Variants in NXPE3 observed in about 807,000 individuals in gnomAD.
The protein encoded by NXPE3 is NXPE family member 3.
In NXPE3, 26 loss-of-function variants were observed where a neutral mutation model predicts 46.1. The ratio of observed to expected loss-of-function variants is 0.56; its 90% CI spans 0.41 to 0.78. The LOEUF (loss-of-function observed/expected upper bound fraction) is 0.78. Ranked by LOEUF, NXPE3 falls within the 30% of genes least tolerant of loss-of-function variation. The pLI is 0.00. For missense variants in NXPE3, 620 were observed against 686.0 expected (o/e 0.90, Z 1.07); for synonymous variants, 272 against 257.9 (o/e 1.05, Z -0.52).
At chr3:101,801,157 G>A (rs1941118606) in intron 4 of NXPE3, 78 bp from the exon 5 acceptor site, 2 of 1,428,464 alleles carry the variant, frequency 1.4e-6, no homozygotes, top group African/African-American at 2.9e-5. Context: ...CAGAAGTGTG[G>A]GGAGCCCTCT....
chr3:101,823,404 A>G lies in NXPE3; in HGVS notation c.*1450A>G, dbSNP rs867690203. ...GCCTAATGAGGTAATAAAATATATT[A>G]AAATAGTTTAATTTTAATGGTCCTT... On this transcript the variant is annotated 3_prime_UTR_variant, in exon 8 of 8. Transcript: ENST00000273347. 1 of 152,190 alleles carries G rather than the reference A, an allele frequency of 6.6e-6. No individual in the cohort carries two copies. Among genetic ancestry groups the G allele is most frequent in the African/African-American group, 2.4e-5 (1 of 41,428 alleles). The allele number at this position is 152,190 out of a possible 1,614,324, so 9.4% of individuals were successfully genotyped here. A position where few individuals can be genotyped will look rare whatever the true frequency, so the allele number is the denominator to read the frequency against.
intron 4 of NXPE3, among the ~76,000 whole-genome samples, chr3:101,793,717 GTTTTTA>G (rs1363855080): frequency 2.8e-5 from 3 of 105,556 alleles, no homozygotes; most frequent in Non-Finnish European, 3.8e-5. Flanking sequence ...TCAGGTTATT[GTTTTTA>G]TTTTTATTTT....
rs1038303539 is a variant in NXPE3 at position 101,816,655 on chromosome 3, G to T, written c.923-140G>T. The T allele has an allele frequency of 4.5e-6, 3 of 669,228 alleles. No individual in the cohort carries two copies. In the African/African-American group the frequency reaches 5.5e-5, roughly 12 times the overall value. 41.5% of individuals were successfully genotyped at this position (669,228 alleles called of 1,614,324 possible). Reference sequence around the variant, plus strand: ...TTTTTTAATCAGGAGAAAAGTCTGGGATTTGAGGTCTGACAGCAGGAAATG... The same window carrying T: ...TTTTTTAATCAGGAGAAAAGTCTGGTATTTGAGGTCTGACAGCAGGAAATG... On this transcript the variant is annotated intron_variant, in intron 6 of 7. Coordinates refer to ENST00000273347, the MANE Select transcript of NXPE3 (RefSeq NM_145037.4).
chr3:101,811,611 CAGACTT>C (rs1322437611), intron 6 of NXPE3, among the ~76,000 whole-genome samples: 1 of 152,096 alleles, frequency 6.6e-6, no homozygotes, highest in Non-Finnish European at 1.5e-5. Context: ...AATGTGGAGT[CAGACTT>C]AGAGTAGGTC....
chr3:101,821,710 T>C lies in NXPE3; in HGVS notation c.1436T>C (p.Val479Ala), dbSNP rs1264315127. Residue 479 changes from valine (V) to alanine (A), a missense_variant, in exon 8 of 8, where the codon GTG becomes GCG. Val to Ala is a moderately conservative substitution (Grantham distance 64). This residue lies in a region of NXPE3 where 75 missense variants were observed against 121.1 expected (regional missense o/e 0.62). Transcript: ENST00000273347. Reference sequence around the variant, plus strand: ...CTCGATCGAAGCCCAAAGACCGTGGTGGTCATCCGGACGGCCAACGCCCAA... The same window carrying C: ...CTCGATCGAAGCCCAAAGACCGTGGCGGTCATCCGGACGGCCAACGCCCAA... The part of the protein sequence containing the change: ...RLLDRSPKTV[V>A]VIRTANAQEL... 2 of 1,614,090 alleles carry C rather than the reference T, an allele frequency of 1.2e-6. No homozygotes were observed. The highest frequency in any genetic ancestry group is 1.7e-6 in the Non-Finnish European group (2 of 1,180,034).
intron 5 of NXPE3, among the ~76,000 whole-genome samples, chr3:101,803,179 A>C (rs2445483): frequency 2.8e-4 from 43 of 152,314 alleles, no homozygotes; most frequent in South Asian, 6.2e-4. Flanking sequence ...ATATCTGGGC[A>C]CCCTAAAAAT....
chr3:101,812,115 C>T (rs192981871), intron 6 of NXPE3, among the ~76,000 whole-genome samples: 3 of 152,004 alleles, frequency 2.0e-5, no homozygotes, highest in South Asian at 2.1e-4. Context: ...GCAGTAAAAA[C>T]GAAACTAGTC....
Position 101,821,498 on chromosome 3 carries a change from T to C in NXPE3, c.1224T>C (p.His408=). The change falls in exon 8 of 8, where the codon CAT becomes CAC. Residue 408 remains histidine (H), a synonymous_variant. Transcript: ENST00000273347. ...KHNILLKYRC[H]GPPIRFTTVF... is the part of the protein sequence containing the mutation. ...ACATCCTGCTCAAATACCGCTGCCA[T>C]GGTCCACCCATCCGCTTCACGACTG... 6.2e-7 allele frequency: 1 copy of C among 1,614,196 alleles called. No individual in the cohort carries two copies. The highest frequency in any genetic ancestry group is 8.5e-7 in the Non-Finnish European group (1 of 1,180,028).
intron 6 of NXPE3, among the ~76,000 whole-genome samples, chr3:101,815,651 A>T (rs1435244713): frequency 6.6e-6 from 1 of 152,014 alleles, no homozygotes; most frequent in Non-Finnish European, 1.5e-5. Context: ...ATCACTTGAG[A>T]TCAGAAGTTT....
In NXPE3 at chr3:101,801,800, C is replaced by G. The variant is rs373676788; in HGVS notation, c.659C>G (p.Ser220Cys). 2 of 1,614,202 alleles carry G rather than the reference C, an allele frequency of 1.2e-6. No individual in the cohort carries two copies. The highest frequency in any genetic ancestry group is 1.3e-5 in the African/African-American group (1 of 75,054). ...FKSLFRSGRI[S>C]ETTECNVCLP... ...AGTCTCTTCCGTTCAGGAAGAATTT[C>G]TGAAACTACTGAGTGCAACGTGTGT... is the stretch of plus-strand genomic sequence containing the variant. Residue 220 changes from serine (S) to cysteine (C), a missense_variant, in exon 5 of 8, where the codon TCT (serine) becomes TGT (cysteine). By Grantham distance (112) the Ser-to-Cys change is moderately radical (BLOSUM62 -1). Around this residue, in one of 3 missense-constraint regions of NXPE3, gnomAD observed 511 missense variants for 528.6 expected, o/e 0.97. Coordinates refer to ENST00000273347, the MANE Select transcript of NXPE3 (RefSeq NM_145037.4).
intron 7 of NXPE3, among the ~76,000 whole-genome samples, chr3:101,818,730 TATATATATATATATATATATA>T (rs1942083925): frequency 7.7e-5 from 2 of 26,016 alleles, no homozygotes; most frequent in African/African-American, 3.1e-4. Context: ...TATATATATA[TATATATATATATATATATATA>T]TATTTTTTTT....
In NXPE3 at chr3:101,792,468, A is replaced by AT. The variant is rs554150545; in HGVS notation, c.93+6785dup. On this transcript the variant is annotated intron_variant, in intron 4 of 7. Transcript: ENST00000273347. ...AGTGTAAGGAAGGGGTCCAGTTTCA[A>AT]TTTTTTGCATATGGCTAGCCAGTTA... is the stretch of plus-strand genomic sequence containing the variant. 6.2e-4 allele frequency among the ~76,000 whole-genome samples: 95 copies of AT among 152,130 alleles called. 2 individuals are homozygous for AT. In the East Asian group the frequency reaches 0.014, roughly 22 times the overall value.
chr3:101,800,691 C>G (rs1941088806), intron 4 of NXPE3, among the ~76,000 whole-genome samples: 1 of 151,436 alleles, frequency 6.6e-6, no homozygotes, highest in African/African-American at 2.4e-5. Context: ...TAGGTACATA[C>G]ATGTTAAGGG....
intron 5 of NXPE3, among the ~76,000 whole-genome samples, chr3:101,803,077 T>A (rs1401381697): frequency 1.3e-5 from 2 of 152,160 alleles, no homozygotes; most frequent in South Asian, 4.1e-4. Flanking sequence ...TGTATACATG[T>A]TTTTTACTTT....
chr3:101,823,012 T>G lies in NXPE3; in HGVS notation c.*1058T>G, dbSNP rs773572093. 6.6e-6 allele frequency: 1 copy of G among 152,206 alleles called. No individual in the cohort carries two copies. The highest frequency in any genetic ancestry group is 1.5e-5 in the Non-Finnish European group (1 of 68,026). 9.4% of individuals were successfully genotyped at this position (152,206 alleles called of 1,614,324 possible). A position where few individuals can be genotyped will look rare whatever the true frequency, so the allele number is the denominator to read the frequency against. ...AAAGGCACACCCATTCTCTCATGCT[T>G]GGAAGAAGCTGCTATTCCTACTGGC... On this transcript the variant is annotated 3_prime_UTR_variant, in exon 8 of 8. Transcript: ENST00000273347.
intron 5 of NXPE3, among the ~76,000 whole-genome samples, chr3:101,804,342 T>C (rs1367884083): frequency 6.6e-6 from 1 of 152,176 alleles, no homozygotes; most frequent in Non-Finnish European, 1.5e-5. Context: ...GATAAAATAA[T>C]GTGTTTGTCC....
At chr3:101,791,336 A>G (rs1321093257) in intron 4 of NXPE3, among the ~76,000 whole-genome samples, 1 of 152,036 alleles carries the variant, frequency 6.6e-6, no homozygotes, top group East Asian at 1.9e-4. Context: ...ATTTTCTTGC[A>G]TTTTCTTATA....
chr3:101,796,345 C>T (rs567449078), intron 4 of NXPE3, among the ~76,000 whole-genome samples: 20 of 152,234 alleles, frequency 1.3e-4, no homozygotes, highest in East Asian at 3.9e-4. Context: ...AAAAAGATGG[C>T]GGGTGTGAAG....
intron 5 of NXPE3, among the ~76,000 whole-genome samples, chr3:101,805,906 A>G (rs1432410155): frequency 2.0e-5 from 3 of 151,962 alleles, no homozygotes; most frequent in Non-Finnish European, 2.9e-5. Flanking sequence ...AATTATTATA[A>G]CTATAGACAA....
Sources: gnomAD v4.1 joint callset for allele counts (sites outside exome capture counted in the v4.1 genomes callset) on GRCh38, gnomAD v4.1.1 for gene constraint, gnomAD v4.1.1 regional missense constraint, MANE v1.5 for transcripts, NCBI Gene and HGNC (gene_info 2026-07-23, HGNC 2026-07-21) for gene names.